CCNL2: variants seen among roughly 807,000 people sequenced by gnomAD.
The protein encoded by CCNL2 is cyclin L2.
CCNL2 carries 28 observed loss-of-function variants against 59.1 expected under a neutral mutation model. The ratio of observed to expected loss-of-function variants is 0.47; its 90% CI spans 0.35 to 0.65. The LOEUF is 0.65. CCNL2 is among the 30% of genes least tolerant of loss of function. The probability of loss-of-function intolerance (pLI) is 0.00; values close to 1 mark genes in which losing one functional copy is unlikely to be tolerated. For synonymous variants in CCNL2, 342 were observed against 288.6 expected (o/e 1.19, Z -1.88); for missense variants, 714 against 717.4 (o/e 1.00, Z 0.05).
Position 1,398,727 on chromosome 1 carries a change from C to T in CCNL2, c.289-56G>A, listed in dbSNP as rs1645194085. 7.3e-6 allele frequency: 11 copies of T among 1,515,038 alleles called. No homozygotes were observed. The East Asian group carries it at 1.4e-4, about 19-fold the overall frequency. 93.8% of individuals were successfully genotyped at this position (1,515,038 alleles called of 1,614,324 possible). Reference sequence around the variant, plus strand: ...AACGCACCATTCAAAGCCTTCGCGGCCGAAAGTCATCGAGTAACGTGGGAC... The same window carrying T: ...AACGCACCATTCAAAGCCTTCGCGGTCGAAAGTCATCGAGTAACGTGGGAC... On this transcript the variant is annotated intron_variant, in intron 1 of 10. Transcript: ENST00000400809.
chr1:1,399,015 T>G lies in CCNL2; in HGVS notation c.288+4A>C. 6.3e-7 allele frequency: 1 copy of G among 1,592,804 alleles called. No individual in the cohort carries two copies. Among genetic ancestry groups the G allele is most frequent in the Non-Finnish European group, 8.5e-7 (1 of 1,172,058 alleles). ...GGGCCGGAGGCTCGCGGCCGCGCCCTCACCTGCGGCAGGCGGAGCAGGATA... is the reference window on the plus strand; with the variant it reads ...GGGCCGGAGGCTCGCGGCCGCGCCCGCACCTGCGGCAGGCGGAGCAGGATA... On this transcript the variant is annotated splice_donor_region_variant and intron_variant, in intron 1 of 10. Coordinates refer to ENST00000400809, the MANE Select transcript of CCNL2 (RefSeq NM_030937.6).
At position 1,390,380 on chromosome 1, in the gene CCNL2, G is replaced by C. The variant is rs1391250334; in HGVS notation, c.865-9C>G. The C allele has an allele frequency of 2.5e-6, 4 of 1,612,032 alleles. No individual in the cohort carries two copies. The highest frequency in any genetic ancestry group is 3.4e-6 in the Non-Finnish European group (4 of 1,178,362). ...AGGTGTGTGAGATCAACCTGCAAAA[G>C]CCAGAAGGTGTCCGTTCAGAACCAG... On this transcript the variant is annotated splice_polypyrimidine_tract_variant and intron_variant, in intron 7 of 10. Coordinates refer to ENST00000400809, the MANE Select transcript of CCNL2 (RefSeq NM_030937.6).
intron 3 of CCNL2, among the ~76,000 whole-genome samples, chr1:1,396,385 G>A (rs1645022864): frequency 6.8e-6 from 1 of 147,656 alleles, no homozygotes; most frequent in Non-Finnish European, 1.5e-5. Context: ...TCCTGCCTCA[G>A]CCTCCCAAGT....
chr1:1,395,652 G>A (rs1644978081), intron 3 of CCNL2, 138 bp from the exon 4 acceptor site: 2 of 1,228,010 alleles, frequency 1.6e-6, no homozygotes, highest in Admixed American at 2.0e-5. Flanking sequence ...ATCCTCTGAT[G>A]AACAAAACTG....
intron 8 of CCNL2, among the ~76,000 whole-genome samples, chr1:1,389,863 G>A (rs1456647307): frequency 6.6e-6 from 1 of 152,128 alleles, no homozygotes; most frequent in Non-Finnish European, 1.5e-5. Flanking sequence ...GGAGGCTGAG[G>A]CAGGAGAATG....
In CCNL2 at chr1:1,390,258, G is replaced by C; in HGVS notation, c.978C>G (p.Thr326=). Residue 326 remains threonine, a synonymous_variant, in exon 8 of 11, where the codon ACC becomes ACG. Coordinates refer to ENST00000400809, the MANE Select transcript of CCNL2 (RefSeq NM_030937.6). Reference sequence around the variant, plus strand: ...GCTTGGGGGCAGGAGAGAACCCCGAGGTACCATCCAGCACCTGTGTGCCCC... The same window carrying C: ...GCTTGGGGGCAGGAGAGAACCCCGACGTACCATCCAGCACCTGTGTGCCCC... ...LPGGTQVLDG[T]SGFSPAPKLV... is the part of the protein sequence containing the mutation. The C allele has an allele frequency of 4.3e-6, 7 of 1,612,280 alleles. No homozygotes were observed. Among genetic ancestry groups the C allele is most frequent in the Non-Finnish European group, 5.9e-6 (7 of 1,178,504 alleles).
In CCNL2 at chr1:1,393,398, T is replaced by C. The variant is rs1392624994; in HGVS notation, c.657A>G (p.Ser219=). The change falls in exon 5 of 11, where the codon TCA becomes TCG. Residue 219 remains serine, a splice_region_variant and synonymous_variant. Coordinates refer to ENST00000400809, the MANE Select transcript of CCNL2 (RefSeq NM_030937.6). ...TAAAACAAGGAAGCTCAACTCACCA[T>C]GAGGTCTGGACCAGGTGTTGGTTAC... ...CERNQHLVQT[S]WNYMNDSLRT... is the part of the protein sequence containing the mutation. 2 of 1,613,774 alleles carry C rather than the reference T, an allele frequency of 1.2e-6. No individual in the cohort carries two copies. Among genetic ancestry groups the C allele is most frequent in the Non-Finnish European group, 1.7e-6 (2 of 1,179,680 alleles).
At chr1:1,398,135 C>A in intron 3 of CCNL2, 98 bp downstream of exon 3, 2 of 1,171,986 alleles carry the variant, frequency 1.7e-6, no homozygotes, top group African/African-American at 1.5e-5. Flanking sequence ...GGTTTAGAGC[C>A]TCAGGCCTGT....
chr1:1,399,292 C>T lies in CCNL2; in HGVS notation c.15G>A (p.Ala5=), dbSNP rs1645241951. MAAA[A]AAAGAAGSAA... is the part of the protein sequence containing the mutation. ...CCGACCCTGCAGCACCAGCCGCCGCCGCCGCCGCCGCCATTTTGTGCCGCC... is the reference window on the plus strand; with the variant it reads ...CCGACCCTGCAGCACCAGCCGCCGCTGCCGCCGCCGCCATTTTGTGCCGCC... The change falls in exon 1 of 11, where the codon GCG becomes GCA. Residue 5 remains alanine (A), a synonymous_variant. Coordinates refer to ENST00000400809, the MANE Select transcript of CCNL2 (RefSeq NM_030937.6). The T allele has an allele frequency of 6.9e-7, 1 of 1,451,238 alleles. No homozygotes were observed. Among genetic ancestry groups the T allele is most frequent in the East Asian group, 2.8e-5 (1 of 36,024 alleles). 89.9% of individuals were successfully genotyped at this position (1,451,238 alleles called of 1,614,324 possible). A position where few individuals can be genotyped will look rare whatever the true frequency, so the allele number is the denominator to read the frequency against.
chr1:1,392,655 G>C, intron 5 of CCNL2: 1 of 1,498,532 alleles, frequency 6.7e-7, no homozygotes, highest in South Asian at 1.3e-5. Flanking sequence ...GCAGGAGTCG[G>C]CCATGGCTAT....
rs778170286 is a variant in CCNL2 at position 1,390,772 on chromosome 1, C to T, written c.753G>A (p.Thr251=). Reference sequence around the variant, plus strand: ...ATAGTAGCAACACACTGACCTCCAGCGTCCGGGCAGCAAGATAAATGCAGG... The same window carrying T: ...ATAGTAGCAACACACTGACCTCCAGTGTCCGGGCAGCAAGATAAATGCAGG... ...ACACIYLAAR[T]LEIPLPNRPH... Residue 251 remains threonine (T), a synonymous_variant, in exon 6 of 11, where the codon ACG becomes ACA. Coordinates refer to ENST00000400809, the MANE Select transcript of CCNL2 (RefSeq NM_030937.6). The T allele has an allele frequency of 7.6e-5, 123 of 1,613,790 alleles. No individual in the cohort carries two copies. Among genetic ancestry groups the T allele is most frequent in the East Asian group, 5.6e-4 (25 of 44,898 alleles).
Position 1,395,528 on chromosome 1 carries a change from AGC to A in CCNL2, c.474-16_474-15del. 6.2e-7 allele frequency: 1 copy of A among 1,613,896 alleles called. No homozygotes were observed. The highest frequency in any genetic ancestry group is 8.5e-7 in the Non-Finnish European group (1 of 1,179,992). On this transcript the variant is annotated splice_polypyrimidine_tract_variant and intron_variant, in intron 3 of 10. Transcript: ENST00000400809. Reference sequence around the variant, plus strand: ...GGCACGGGCTTCCTGCCAGAGAGAGAGCACAGGGTCTGCACCACAGTCAAGCA... The same window carrying A: ...GGCACGGGCTTCCTGCCAGAGAGAGAACAGGGTCTGCACCACAGTCAAGCA...
intron 3 of CCNL2, among the ~76,000 whole-genome samples, chr1:1,396,915 A>T (rs1645065881): frequency 6.6e-6 from 1 of 151,916 alleles, no homozygotes; most frequent in Non-Finnish European, 1.5e-5. Flanking sequence ...CGCCTGGCTA[A>T]CTTTTTTGTA....
intron 3 of CCNL2, among the ~76,000 whole-genome samples, chr1:1,397,213 C>T (rs1181965178): frequency 6.6e-6 from 1 of 152,214 alleles, no homozygotes; most frequent in Admixed American, 6.5e-5. Flanking sequence ...ACTTCAGGTG[C>T]ATAAACCCTG....
intron 5 of CCNL2, chr1:1,391,512 C>G: frequency 7.7e-7 from 1 of 1,302,540 alleles, no homozygotes; most frequent in Non-Finnish European, 1.0e-6. Context: ...ACTCCGCACC[C>G]AAGGGCAGGC....
chr1:1,387,673 T>C, intron 10 of CCNL2, 91 bp from the exon 11 acceptor site: 1 of 1,415,394 alleles, frequency 7.1e-7, no homozygotes, highest in Non-Finnish European at 9.6e-7. Flanking sequence ...ACACACAAGC[T>C]CCAGGTTTAG....
chr1:1,389,791 C>T (rs1379940167), intron 8 of CCNL2, among the ~76,000 whole-genome samples: 1 of 152,042 alleles, frequency 6.6e-6, no homozygotes, highest in Non-Finnish European at 1.5e-5. Flanking sequence ...AACCCCGTCT[C>T]TACTAAAAAT....
Position 1,386,116 on chromosome 1 carries a change from GCACT to G in CCNL2, c.*1111_*1114del, listed in dbSNP as rs1387399617. 3 of 152,242 alleles carry G rather than the reference GCACT, an allele frequency of 2.0e-5. No homozygotes were observed. Among genetic ancestry groups the G allele is most frequent in the Non-Finnish European group, 4.4e-5 (3 of 68,074 alleles). The allele number at this position is 152,242 out of a possible 1,614,324, so 9.4% of individuals were successfully genotyped here. A position where few individuals can be genotyped will look rare whatever the true frequency, so the allele number is the denominator to read the frequency against. On this transcript the variant is annotated 3_prime_UTR_variant, in exon 11 of 11. Coordinates refer to ENST00000400809, the MANE Select transcript of CCNL2 (RefSeq NM_030937.6). ...AAGAGGCAGCTGATGACAGTGGGGG[GCACT>G]CAGAGTGCAGGTGCCACCCCCGTGG...
chr1:1,395,977 G>C (rs1644997921), intron 3 of CCNL2, among the ~76,000 whole-genome samples: 1 of 151,236 alleles, frequency 6.6e-6, no homozygotes, highest in Non-Finnish European at 1.5e-5. Context: ...AGGAGTTCAA[G>C]ACCAGTCTGA....
Sources: gnomAD v4.1 joint callset for allele counts (sites outside exome capture counted in the v4.1 genomes callset) on GRCh38, gnomAD v4.1.1 for gene constraint, MANE v1.5 for transcripts, NCBI Gene and HGNC (gene_info 2026-07-23, HGNC 2026-07-21) for gene names.